The following LRRFIP1 variants were observed in gnomAD, a reference collection of about 807,000 sequenced individuals.
LRRFIP1 encodes the protein LRR binding FLII interacting protein 1.
Under a neutral mutation model 104.4 loss-of-function variants are expected in LRRFIP1, and 62 were observed. The observed-to-expected ratio is 0.59, with a 90% CI of 0.48 to 0.73. The LOEUF is 0.73. LRRFIP1 is among the 30% of genes least tolerant of loss of function. The pLI is 0.00. For synonymous variants in LRRFIP1, 300 were observed against 299.0 expected, an observed-to-expected ratio of 1.00 and a Z score of -0.03; for missense variants, 796 against 824.5, an observed-to-expected ratio of 0.97 and a Z score of 0.42.
At chr2:237,700,837 C>T (rs913463875) in intron 1 of LRRFIP1, among the ~76,000 whole-genome samples, 9 of 152,176 alleles carry the variant, frequency 5.9e-5, no homozygotes, top group African/African-American at 1.7e-4. Flanking sequence ...GGTTCACATG[C>T]GGTGCTTTCC....
intron 8 of LRRFIP1, among the ~76,000 whole-genome samples, chr2:237,730,919 G>GACAAACAAACAA (rs3053643): frequency 0.025 from 3,770 of 151,408 alleles, 57 homozygotes; most frequent in African/African-American, 0.028. Context: ...TTCCATCTCA[G>GACAAACAAACAA]ACAAACAAAC....
At chr2:237,648,064 G>A (rs550595875) in intron 1 of LRRFIP1, among the ~76,000 whole-genome samples, 1 of 152,020 alleles carries the variant, frequency 6.6e-6, no homozygotes, top group Non-Finnish European at 1.5e-5. Flanking sequence ...TAGAGGCAGT[G>A]TATGAGTCCA....
chr2:237,736,558 G>C (rs1366680266), intron 10 of LRRFIP1, among the ~76,000 whole-genome samples: 1 of 152,158 alleles, frequency 6.6e-6, no homozygotes, highest in Admixed American at 6.5e-5. Flanking sequence ...AGGACGGAGG[G>C]CTCCTGATGC....
At chr2:237,664,037 G>A (rs1202971866) in intron 1 of LRRFIP1, among the ~76,000 whole-genome samples, 1 of 152,148 alleles carries the variant, frequency 6.6e-6, no homozygotes, top group East Asian at 1.9e-4. Flanking sequence ...GGAGGAGCAG[G>A]GTGAAGGGTG....
chr2:237,750,188 C>T (rs2058404159), intron 13 of LRRFIP1, among the ~76,000 whole-genome samples: 1 of 152,100 alleles, frequency 6.6e-6, no homozygotes, highest in Admixed American at 6.5e-5. Flanking sequence ...GCCAGGGTTA[C>T]CTTGAAGATG....
intron 1 of LRRFIP1, among the ~76,000 whole-genome samples, chr2:237,669,029 G>A (rs922996867): frequency 7.2e-5 from 11 of 152,022 alleles, no homozygotes; most frequent in East Asian, 3.9e-4. Flanking sequence ...AGAAATAAGC[G>A]TAACTCTTGT....
intron 2 of LRRFIP1, among the ~76,000 whole-genome samples, chr2:237,708,985 A>G (rs1251859339): frequency 6.6e-6 from 1 of 152,250 alleles, no homozygotes; most frequent in Non-Finnish European, 1.5e-5. Context: ...AGAAGAACGG[A>G]TTAATGAGTT....
chr2:237,736,892 T>A (rs2095266027), intron 10 of LRRFIP1, among the ~76,000 whole-genome samples: 1 of 152,184 alleles, frequency 6.6e-6, no homozygotes, highest in Non-Finnish European at 1.5e-5. Flanking sequence ...TCCAAGTGGA[T>A]ACTCCGTTCC....
chr2:237,632,441 C>A (rs948097092), intron 1 of LRRFIP1, among the ~76,000 whole-genome samples: 2 of 152,236 alleles, frequency 1.3e-5, no homozygotes, highest in Non-Finnish European at 2.9e-5. Flanking sequence ...CCCCCTCATG[C>A]CCCTGCTGGG....
At chr2:237,677,707 A>G (rs748458424) in intron 1 of LRRFIP1, among the ~76,000 whole-genome samples, 1 of 152,164 alleles carries the variant, frequency 6.6e-6, no homozygotes, top group Non-Finnish European at 1.5e-5. Flanking sequence ...TTATCACTGT[A>G]TTATCTGATA....
At chr2:237,746,853 A>G (rs991799332) in intron 11 of LRRFIP1, among the ~76,000 whole-genome samples, 2 of 152,190 alleles carry the variant, frequency 1.3e-5, no homozygotes, top group African/African-American at 4.8e-5. Context: ...AGCTGTGGCT[A>G]AGTGGGCAGA....
At chr2:237,660,384 T>C (rs6724943) in intron 1 of LRRFIP1, among the ~76,000 whole-genome samples, 52,784 of 151,758 alleles carry the variant, frequency 0.35, 10,209 homozygotes, top group African/African-American at 0.52. Context: ...TATGGGGACA[T>C]AGGGACCCCT....
At chr2:237,763,090 G>A (rs2060031986) in intron 19 of LRRFIP1, 1 of 1,614,166 alleles carries the variant, frequency 6.2e-7, no homozygotes, top group Non-Finnish European at 8.5e-7. Context: ...GTATGGTAGA[G>A]GTCCCCCAAG....
intron 2 of LRRFIP1, among the ~76,000 whole-genome samples, chr2:237,712,105 G>A (rs937458061): frequency 1.4e-4 from 21 of 152,334 alleles, no homozygotes; most frequent in African/African-American, 4.1e-4. Flanking sequence ...GCAGAGCTGG[G>A]CTTGGTGCTG....
chr2:237,738,177 C>T (rs542928025), intron 10 of LRRFIP1, among the ~76,000 whole-genome samples: 72 of 151,668 alleles, frequency 4.7e-4, no homozygotes, highest in African/African-American at 1.7e-3. Context: ...CCCTGAAGAT[C>T]TGGATGAGAT....
intron 1 of LRRFIP1, among the ~76,000 whole-genome samples, chr2:237,696,399 C>T (rs568508628): frequency 6.6e-6 from 1 of 152,230 alleles, no homozygotes; most frequent in African/African-American, 2.4e-5. Flanking sequence ...AGGTGGGTGC[C>T]TTAGCATGCT....
rs1277340628 is a variant in LRRFIP1 at position 237,781,255 on chromosome 2, G to C, written c.*1723G>C. ...ACACATCACGCAGACACGGCCGGCA[G>C]CATGCTGACGCTTTTAGGTATTTTT... On this transcript the variant is annotated 3_prime_UTR_variant, in exon 24 of 24. Coordinates refer to ENST00000308482, the MANE Select transcript of LRRFIP1 (RefSeq NM_001137550.2). Among the ~76,000 whole-genome samples, 1 of 152,264 alleles carries C rather than the reference G, an allele frequency of 6.6e-6. No individual in the cohort carries two copies. The highest frequency in any genetic ancestry group is 2.4e-5 in the African/African-American group (1 of 41,472).
intron 19 of LRRFIP1, among the ~76,000 whole-genome samples, chr2:237,767,214 C>T (rs2060301345): frequency 6.6e-6 from 1 of 152,096 alleles, no homozygotes; most frequent in African/African-American, 2.4e-5. Context: ...GTTGACTTAG[C>T]TATACTCCAT....
At chr2:237,718,154 G>A (rs1209826306) in intron 4 of LRRFIP1, among the ~76,000 whole-genome samples, 5 of 152,348 alleles carry the variant, frequency 3.3e-5, no homozygotes, top group South Asian at 2.1e-4. Context: ...CTGGGCATGC[G>A]CCCCTGGCTT....
Sources: gnomAD v4.1 joint callset for allele counts (sites outside exome capture counted in the v4.1 genomes callset) on GRCh38, gnomAD v4.1.1 for gene constraint, MANE v1.5 for transcripts, NCBI Gene and HGNC (gene_info 2026-07-23, HGNC 2026-07-21) for gene names.